Variants in MTR observed in about 807,000 individuals in gnomAD.
The protein encoded by MTR is methionine synthase.
MTR carries 84 observed loss-of-function variants against 154.8 expected under a neutral mutation model. That is an observed-to-expected ratio of 0.54 (90% confidence interval 0.45 to 0.65). The LOEUF (loss-of-function observed/expected upper bound fraction) is 0.65, where lower values mean the gene tolerates loss of function less well. Ranked by LOEUF, MTR falls within the 30% of genes least tolerant of loss-of-function variation. The probability of loss-of-function intolerance (pLI) is 0.00; values close to 1 mark genes in which losing one functional copy is unlikely to be tolerated. For synonymous variants in MTR, 554 were observed against 553.9 expected (o/e 1.00, Z 0.00); for missense variants, 1,275 against 1,570.2 (o/e 0.81, Z 3.18).
intron 26 of MTR, 73 bp from the exon 27 acceptor site, chr1:236,886,219 T>A: frequency 7.9e-7 from 1 of 1,259,858 alleles, no homozygotes; most frequent in Non-Finnish European, 1.2e-6. Flanking sequence ...ATACTGGCCT[T>A]CTTGGACATG....
intron 1 of MTR, 54 bp downstream of exon 1, chr1:236,795,791 T>C (rs1158750845): frequency 1.2e-5 from 20 of 1,613,124 alleles, no homozygotes; most frequent in African/African-American, 2.7e-5. Flanking sequence ...ACTCGTGCTG[T>C]GGCCTCCTAA....
chr1:236,836,654 G>A (rs541365094), intron 14 of MTR, among the ~76,000 whole-genome samples: 21 of 152,268 alleles, frequency 1.4e-4, no homozygotes, highest in African/African-American at 4.6e-4. Context: ...GCAGATTTAA[G>A]TTAGAGTCTA....
intron 8 of MTR, among the ~76,000 whole-genome samples, chr1:236,821,893 C>G (rs1166255860): frequency 6.6e-6 from 1 of 152,178 alleles, no homozygotes; most frequent in African/African-American, 2.4e-5. Flanking sequence ...TTTCTGGACT[C>G]TATTCTGTTT....
intron 18 of MTR, among the ~76,000 whole-genome samples, chr1:236,855,063 A>G (rs1228210709): frequency 1.3e-5 from 2 of 152,184 alleles, no homozygotes; most frequent in Non-Finnish European, 2.9e-5. Flanking sequence ...GGTATCCTCT[A>G]ATAACTCTTG....
intron 22 of MTR, among the ~76,000 whole-genome samples, chr1:236,867,064 T>C (rs1456208576): frequency 6.6e-6 from 1 of 152,228 alleles, no homozygotes; most frequent in Non-Finnish European, 1.5e-5. Context: ...AAGGTGGCTA[T>C]GCTAACCAAT....
chr1:236,891,522 G>A (rs1047495153), intron 29 of MTR, among the ~76,000 whole-genome samples, 193 bp downstream of exon 29: 5 of 152,160 alleles, frequency 3.3e-5, no homozygotes, highest in Non-Finnish European at 7.3e-5. Flanking sequence ...GCCACCATGG[G>A]TGTCAGAGGC....
intron 27 of MTR, among the ~76,000 whole-genome samples, chr1:236,886,893 C>T (rs1666040048): frequency 6.6e-6 from 1 of 152,214 alleles, no homozygotes; most frequent in African/African-American, 2.4e-5. Context: ...ATCTTTAAAA[C>T]ACTGCAGCAA....
Position 236,795,594 on chromosome 1 carries a change from T to C in MTR, c.-110T>C, listed in dbSNP as rs1295353641. ...CGGGAGGCGTCAAAAGACCCGGGCC[T>C]TGTGTGGCAGGCTCGCCTGGCGCTG... is the stretch of plus-strand genomic sequence containing the variant. On this transcript the variant is annotated 5_prime_UTR_variant, in exon 1 of 33. Coordinates refer to ENST00000366577, the MANE Select transcript of MTR (RefSeq NM_000254.3). 1 of 1,596,418 alleles carries C rather than the reference T, an allele frequency of 6.3e-7. No homozygotes were observed. The highest frequency in any genetic ancestry group is 1.1e-5 in the South Asian group (1 of 89,862).
intron 2 of MTR, among the ~76,000 whole-genome samples, chr1:236,804,216 C>T (rs1225328362): frequency 6.6e-6 from 1 of 152,156 alleles, no homozygotes; most frequent in Non-Finnish European, 1.5e-5. Context: ...CTGCTGTGTT[C>T]TCAATGTTTG....
At chr1:236,877,044 A>G (rs1469429549) in intron 24 of MTR, among the ~76,000 whole-genome samples, 1 of 152,186 alleles carries the variant, frequency 6.6e-6, no homozygotes, top group African/African-American at 2.4e-5. Flanking sequence ...TTACTTGGAA[A>G]ATAAGAGCTA....
At chr1:236,839,118 A>G (rs1663082292) in intron 15 of MTR, among the ~76,000 whole-genome samples, 1 of 152,246 alleles carries the variant, frequency 6.6e-6, no homozygotes, top group Non-Finnish European at 1.5e-5. Flanking sequence ...ACTGTATATG[A>G]AAATCTGATA....
Position 236,826,946 on chromosome 1 carries a change from T to A in MTR, c.995+50T>A, listed in dbSNP as rs758930273. On this transcript the variant is annotated intron_variant, in intron 11 of 32. Coordinates refer to ENST00000366577, the MANE Select transcript of MTR (RefSeq NM_000254.3). Reference sequence around the variant, plus strand: ...ATCTAAAACCAAGTGGATAATCAGGTAATAATCTAAATATGTACTTTTTGT... The same window carrying A: ...ATCTAAAACCAAGTGGATAATCAGGAAATAATCTAAATATGTACTTTTTGT... The A allele has an allele frequency of 4.6e-5, 70 of 1,510,778 alleles. 2 individuals carry two copies. The highest frequency in any genetic ancestry group is 3.7e-6 in the Non-Finnish European group (4 of 1,086,800). The allele number at this position is 1,510,778 out of a possible 1,614,324, so 93.6% of individuals were successfully genotyped here. A position where few individuals can be genotyped will look rare whatever the true frequency, so the allele number is the denominator to read the frequency against.
chr1:236,860,086 C>A (rs957615980), intron 19 of MTR, among the ~76,000 whole-genome samples, 164 bp downstream of exon 19: 1 of 89,854 alleles, frequency 1.1e-5, no homozygotes, highest in Non-Finnish European at 2.3e-5. Flanking sequence ...CCCCCCCCCC[C>A]CCCCACCATA....
intron 22 of MTR, among the ~76,000 whole-genome samples, chr1:236,867,583 T>C (rs1316603232): frequency 6.6e-6 from 1 of 152,168 alleles, no homozygotes; most frequent in East Asian, 1.9e-4. Flanking sequence ...CTGCCATAGA[T>C]AGTGATGGAT....
Position 236,866,307 on chromosome 1 carries a change from T to C in MTR, c.2405+2753T>C, listed in dbSNP as rs541796976. Among the ~76,000 whole-genome samples, 5 of 152,306 alleles carry C rather than the reference T, an allele frequency of 3.3e-5. No homozygotes were observed. The South Asian group carries it at 1.0e-3, about 32-fold the overall frequency. ...ATCTGTTATGATGATCTGTGATCAG[T>C]GATCAGTGTTACTATTTTAATTGTT... On this transcript the variant is annotated intron_variant, in intron 22 of 32. Transcript: ENST00000366577.
At chr1:236,830,151 T>C (rs1182874438) in intron 12 of MTR, among the ~76,000 whole-genome samples, 2 of 152,100 alleles carry the variant, frequency 1.3e-5, no homozygotes, top group African/African-American at 4.8e-5. Context: ...GAAGTTGGGT[T>C]AACACATACG....
In MTR at chr1:236,894,398, C is replaced by G; in HGVS notation, c.3246C>G (p.Leu1082=). The change falls in exon 30 of 33, where the codon CTC becomes CTG. Residue 1082 remains leucine (L), a synonymous_variant. Coordinates refer to ENST00000366577, the MANE Select transcript of MTR (RefSeq NM_000254.3). ...DSASTEPYYC[L]SDFIAPLHSG... ...CCAGCACGGAGCCATACTACTGCCTCTCAGACTTCATCGCTCCCTTGCATT... is the reference window on the plus strand; with the variant it reads ...CCAGCACGGAGCCATACTACTGCCTGTCAGACTTCATCGCTCCCTTGCATT... 1 of 1,614,240 alleles carries G rather than the reference C, an allele frequency of 6.2e-7. No individual in the cohort carries two copies. Among genetic ancestry groups the G allele is most frequent in the Non-Finnish European group, 8.5e-7 (1 of 1,180,052 alleles).
chr1:236,829,828 G>A (rs6682427), intron 12 of MTR, among the ~76,000 whole-genome samples: 11,099 of 152,166 alleles, frequency 0.073, 801 homozygotes, highest in African/African-American at 0.19. Flanking sequence ...AACAAGGACC[G>A]TTAGTAAACT....
At chr1:236,803,285 T>C in intron 1 of MTR, 143 bp from the exon 2 acceptor site, 1 of 829,762 alleles carries the variant, frequency 1.2e-6, no homozygotes. Flanking sequence ...GGGCAGCGTT[T>C]TCCTATATAG....
Sources: gnomAD v4.1 joint callset for allele counts (sites outside exome capture counted in the v4.1 genomes callset) on GRCh38, gnomAD v4.1.1 for gene constraint, MANE v1.5 for transcripts, NCBI Gene and HGNC (gene_info 2026-07-23, HGNC 2026-07-21) for gene names.